NRXN1: variants seen among roughly 807,000 people sequenced by gnomAD.
NRXN1 encodes neurexin 1.
Under a neutral mutation model 150.9 loss-of-function variants are expected in NRXN1, and 39 were observed. The ratio of observed to expected loss-of-function variants is 0.26; its 90% CI spans 0.20 to 0.34. NRXN1 has a LOEUF of 0.34. Among genes scored for constraint, NRXN1 ranks in the 10% least tolerant of loss-of-function variants. The probability of loss-of-function intolerance (pLI) is 1.00; values close to 1 mark genes in which losing one functional copy is unlikely to be tolerated. For missense variants in NRXN1, 1,815 were observed against 1,949.9 expected, an observed-to-expected ratio of 0.93 and a Z score of 1.30; for synonymous variants, 924 against 757.0, an observed-to-expected ratio of 1.22 and a Z score of -3.62.
intron 17 of NRXN1, among the ~76,000 whole-genome samples, chr2:50,317,461 A>G (rs1381645520): frequency 1.6e-4 from 25 of 151,764 alleles, no homozygotes; most frequent in Non-Finnish European, 1.5e-5. Context: ...GGGCAATGGG[A>G]TAATATCTCC....
At chr2:50,739,615 A>G (rs1699191483) in intron 5 of NRXN1, among the ~76,000 whole-genome samples, 1 of 152,172 alleles carries the variant, frequency 6.6e-6, no homozygotes, top group Non-Finnish European at 1.5e-5. Context: ...ACTCTATTGC[A>G]TTGGTCTTAA....
At chr2:50,367,037 C>T (rs995969788) in intron 17 of NRXN1, among the ~76,000 whole-genome samples, 12 of 152,058 alleles carry the variant, frequency 7.9e-5, no homozygotes, top group Admixed American at 1.3e-4. Context: ...GGCCTCCAGG[C>T]GTCTGGGAGA....
intron 22 of NRXN1, among the ~76,000 whole-genome samples, chr2:49,938,845 C>T (rs920444734): frequency 6.6e-6 from 1 of 152,046 alleles, no homozygotes; most frequent in Non-Finnish European, 1.5e-5. Flanking sequence ...TAAAACTCAC[C>T]TTTTTAAAAC....
chr2:50,679,091 G>C lies in NRXN1; in HGVS notation c.833-55476C>G, dbSNP rs1327075287. Among the ~76,000 whole-genome samples the C allele has an allele frequency of 3.3e-5, 5 of 151,988 alleles. No individual in the cohort carries two copies. The East Asian group carries it at 9.7e-4, about 30-fold the overall frequency. On this transcript the variant is annotated intron_variant, in intron 5 of 22. Transcript: ENST00000401669. ...ACAGGCACATGCTTAACATGGATCG[G>C]GCTACATTGAGATTTTCTTCTTGGA...
chr2:50,929,255 T>C (rs1687375069), intron 2 of NRXN1, among the ~76,000 whole-genome samples: 1 of 152,046 alleles, frequency 6.6e-6, no homozygotes. Flanking sequence ...CAAAAACAAA[T>C]GTGCTTGTTT....
At chr2:50,013,428 T>C (rs1312366845) in intron 21 of NRXN1, among the ~76,000 whole-genome samples, 4 of 152,062 alleles carry the variant, frequency 2.6e-5, no homozygotes, top group East Asian at 1.9e-4. Context: ...ACCTCTTGAA[T>C]TGTTGGCCTG....
chr2:50,858,231 A>G (rs1675558199), intron 5 of NRXN1, among the ~76,000 whole-genome samples: 1 of 152,060 alleles, frequency 6.6e-6, no homozygotes, highest in South Asian at 2.1e-4. Context: ...CAAATACAAC[A>G]AATTAATATT....
chr2:50,285,644 G>A (rs1346690457), intron 17 of NRXN1, among the ~76,000 whole-genome samples: 1 of 152,114 alleles, frequency 6.6e-6, no homozygotes, highest in African/African-American at 2.4e-5. Context: ...AGGACCTGTT[G>A]TATAGATTGT....
intron 17 of NRXN1, among the ~76,000 whole-genome samples, chr2:50,328,296 GGCCCAGGGAA>G (rs1224679570): frequency 3.3e-5 from 5 of 151,806 alleles, no homozygotes; most frequent in Admixed American, 2.0e-4. Flanking sequence ...CTTCCAATGT[GGCCCAGGGAA>G]GCCAAAAGCA....
intron 17 of NRXN1, among the ~76,000 whole-genome samples, chr2:50,373,087 T>C (rs1473157760): frequency 6.6e-6 from 1 of 151,932 alleles, no homozygotes; most frequent in Non-Finnish European, 1.5e-5. Context: ...AATCTCTACT[T>C]TACTCTGTGT....
In NRXN1 at chr2:50,505,557, C is replaced by A. The variant is rs140910073; in HGVS notation, c.2497+938G>T. Among the ~76,000 whole-genome samples the A allele has an allele frequency of 3.0e-3, 452 of 152,262 alleles. 2 individuals carry two copies. The highest frequency in any genetic ancestry group is 0.01 in the African/African-American group (423 of 41,552). On this transcript the variant is annotated intron_variant, in intron 13 of 22. Coordinates refer to ENST00000401669, the MANE Select transcript of NRXN1 (RefSeq NM_001330078.2). ...TGCTGATCTAAGAAACAATTCATTC[C>A]TCTTCAAAGAACTGTCCTAGACCAA...
intron 18 of NRXN1, among the ~76,000 whole-genome samples, chr2:50,123,020 C>T (rs1259840825): frequency 6.6e-6 from 1 of 152,108 alleles, no homozygotes; most frequent in Non-Finnish European, 1.5e-5. Context: ...CTATAATACT[C>T]AATTTATTAG....
intron 19 of NRXN1, among the ~76,000 whole-genome samples, chr2:50,085,595 T>A (rs1698666102): frequency 6.6e-6 from 1 of 152,080 alleles, no homozygotes; most frequent in Non-Finnish European, 1.5e-5. Flanking sequence ...AGTTAGAAAA[T>A]AATTAGTGCT....
intron 15 of NRXN1, among the ~76,000 whole-genome samples, chr2:50,484,132 G>A (rs1442097421): frequency 6.6e-6 from 1 of 152,088 alleles, no homozygotes; most frequent in Admixed American, 6.5e-5. Context: ...GGTTTTCTGT[G>A]TAGCTTGAAA....
chr2:50,535,821 A>G (rs1001710122), intron 10 of NRXN1, among the ~76,000 whole-genome samples: 1 of 152,088 alleles, frequency 6.6e-6, no homozygotes, highest in Non-Finnish European at 1.5e-5. Flanking sequence ...ATTGCAACAT[A>G]ATTTTTCCAT....
At chr2:50,904,058 G>A (rs749735923) in intron 5 of NRXN1, among the ~76,000 whole-genome samples, 19 of 152,080 alleles carry the variant, frequency 1.2e-4, no homozygotes, top group Admixed American at 2.0e-4. Flanking sequence ...TGCTCTTTCC[G>A]CACTCTTAAG....
At chr2:50,071,214 A>G (rs1238585596) in intron 19 of NRXN1, among the ~76,000 whole-genome samples, 1 of 152,186 alleles carries the variant, frequency 6.6e-6, no homozygotes, top group Non-Finnish European at 1.5e-5. Context: ...ACTTTTTCTG[A>G]AGTCTTTTAA....
chr2:50,269,817 G>C (rs1209978399), intron 17 of NRXN1, among the ~76,000 whole-genome samples: 2 of 152,034 alleles, frequency 1.3e-5, no homozygotes, highest in Non-Finnish European at 2.9e-5. Flanking sequence ...GTTTAACATT[G>C]AGCCTTAAAG....
intron 21 of NRXN1, among the ~76,000 whole-genome samples, chr2:50,039,843 T>C (rs551219538): frequency 4.6e-5 from 7 of 152,264 alleles, no homozygotes; most frequent in South Asian, 2.1e-4. Flanking sequence ...GATTCAAATA[T>C]AACGCAAAAT....
Sources: gnomAD v4.1 joint callset for allele counts (sites outside exome capture counted in the v4.1 genomes callset) on GRCh38, gnomAD v4.1.1 for gene constraint, MANE v1.5 for transcripts, NCBI Gene and HGNC (gene_info 2026-07-23, HGNC 2026-07-21) for gene names.